ANKRD26: variants seen among roughly 807,000 people sequenced by gnomAD.
ANKRD26 encodes the protein ankyrin repeat domain 26, also known as ankyrin repeat domain-containing protein 26.
A neutral mutation model predicts 208.7 loss-of-function variants in ANKRD26; 141 were observed. The observed-to-expected ratio is 0.68, with a 90% CI of 0.59 to 0.78. ANKRD26 has a LOEUF of 0.78. Ranked by LOEUF, ANKRD26 falls within the 30% of genes least tolerant of loss-of-function variation. The probability of loss-of-function intolerance (pLI) is 0.00; values close to 1 mark genes in which losing one functional copy is unlikely to be tolerated. For missense variants in ANKRD26, 1,889 were observed against 1,938.7 expected, an observed-to-expected ratio of 0.97 and a Z score of 0.48; for synonymous variants, 636 against 660.4, an observed-to-expected ratio of 0.96 and a Z score of 0.57.
At chr10:27,052,046 A>G in intron 16 of ANKRD26, 1 of 985,352 alleles carries the variant, frequency 1.0e-6, no homozygotes, top group Non-Finnish European at 1.2e-6. Flanking sequence ...CTGGTTCTTG[A>G]GACATCTTTT....
the ANKRD26 span, among the ~76,000 whole-genome samples, chr10:26,968,066 C>T: frequency 0.33 from 50,209 of 151,966 alleles, 10,571 homozygotes; most frequent in Non-Finnish European, 0.47. Context: ...TGCTTTCCAA[C>T]ACTTCAGTGT....
At chr10:27,053,267 A>T (rs2054723963) in intron 16 of ANKRD26, 53 bp downstream of exon 16, 3 of 1,307,202 alleles carry the variant, frequency 2.3e-6, no homozygotes, top group Middle Eastern at 2.4e-4. Context: ...ATGTTACATC[A>T]TTAAAGCAAA....
intron 12 of ANKRD26, chr10:27,062,122 G>C: frequency 1.0e-6 from 1 of 985,144 alleles, no homozygotes. Flanking sequence ...TTTTGCAAAA[G>C]TAATCTCCAG....
At chr10:26,999,903 A>C (rs2052683824), downstream of ANKRD26, among the ~76,000 whole-genome samples, 1 of 152,062 alleles carries the variant, frequency 6.6e-6, no homozygotes, top group South Asian at 2.1e-4. Context: ...CAAATTATAC[A>C]ATTTCTGAGA....
In ANKRD26 at chr10:27,040,006, C is replaced by A; in HGVS notation, c.2334G>T (p.Glu778Asp). Residue 778 changes from glutamate (E) to aspartate (D), a missense_variant, in exon 21 of 34, where the codon GAG (glutamate) becomes GAT (aspartate). Physicochemically the swap from Glu to Asp is conservative, Grantham distance 45 (BLOSUM62 2). Coordinates refer to ENST00000376087, the MANE Select transcript of ANKRD26 (RefSeq NM_014915.3). The stretch of plus-strand genomic sequence containing the variant: ...CTCGTTCCCATTCAACTTTTTGATG[C>A]TCTAACTGTGATTTTATTTCTTTTG... ...SETKEIKSQL[E>D]HQKVEWEREL... 3 of 1,613,732 alleles carry A rather than the reference C, an allele frequency of 1.9e-6. No homozygotes were observed. Among genetic ancestry groups the A allele is most frequent in the Non-Finnish European group, 2.5e-6 (3 of 1,179,900 alleles).
At chr10:26,978,035 C>A (rs146116567) in intron 5 of ANKRD26, among the ~76,000 whole-genome samples, 4 of 152,180 alleles carry the variant, frequency 2.6e-5, no homozygotes, top group African/African-American at 9.7e-5. Context: ...TCTATGCATG[C>A]CTGAATAAGA....
chr10:27,030,548 G>A, intron 25 of ANKRD26: 1 of 985,420 alleles, frequency 1.0e-6, no homozygotes, highest in Non-Finnish European at 1.2e-6. Flanking sequence ...TAGGAGAAAA[G>A]CTGGAGCTCT....
intron 15 of ANKRD26, 28 bp from the exon 16 acceptor site, chr10:27,053,418 T>C (rs775270139): frequency 2.0e-6 from 3 of 1,495,066 alleles, no homozygotes; most frequent in South Asian, 1.1e-5. Context: ...TTTAGTTTAA[T>C]GAACTACTTA....
Position 27,040,048 on chromosome 10 carries a change from T to C in ANKRD26, c.2292A>G (p.Gln764=). The C allele has an allele frequency of 6.2e-7, 1 of 1,613,698 alleles. No homozygotes were observed. The part of the protein sequence containing the change: ...KKMEDKVNVL[Q]RELSETKEIK... ...TTTCTTTTGTTTCAGATAGCTCCCT[T>C]TGTAGTACATTAACCTTGTCTTCCA... is the stretch of plus-strand genomic sequence containing the variant. Residue 764 remains glutamine (Q), a synonymous_variant, in exon 21 of 34, where the codon CAA becomes CAG. Transcript: ENST00000376087.
In ANKRD26 at chr10:27,029,025, G is replaced by A. The variant is rs1250201869; in HGVS notation, c.3879-80C>T. On this transcript the variant is annotated intron_variant, in intron 26 of 33. Coordinates refer to ENST00000376087, the MANE Select transcript of ANKRD26 (RefSeq NM_014915.3). ...TGTAATTTCTTAGCAAACACCTGAAGGCATAATTACATAAATTCTTAAAGA... is the reference window on the plus strand; with the variant it reads ...TGTAATTTCTTAGCAAACACCTGAAAGCATAATTACATAAATTCTTAAAGA... The A allele has an allele frequency of 1.9e-5, 22 of 1,174,842 alleles. No individual in the cohort carries two copies. In the Admixed American group the frequency reaches 2.1e-4, roughly 11 times the overall value. The allele number at this position is 1,174,842 out of a possible 1,614,324, so 72.8% of individuals were successfully genotyped here. A position where few individuals can be genotyped will look rare whatever the true frequency, so the allele number is the denominator to read the frequency against.
chr10:27,051,490 T>C, intron 16 of ANKRD26: 1 of 1,061,882 alleles, frequency 9.4e-7, no homozygotes, highest in Non-Finnish European at 1.1e-6. Flanking sequence ...TCTTCTTTCA[T>C]TACACCTGTA....
downstream of ANKRD26, among the ~76,000 whole-genome samples, chr10:26,972,934 A>T (rs2052172386): frequency 6.6e-6 from 1 of 152,066 alleles, no homozygotes; most frequent in African/African-American, 2.4e-5. Flanking sequence ...GGTAGGTAGT[A>T]GAGTTGGAAT....
exon 6 of ANKRD26, among the ~76,000 whole-genome samples, chr10:26,974,281 T>C (rs894926590): frequency 9.2e-5 from 14 of 152,230 alleles, no homozygotes; most frequent in Non-Finnish European, 2.1e-4. Flanking sequence ...TAGATTTACC[T>C]ACATAATTAC....
Position 27,014,775 on chromosome 10 carries a change from C to A in ANKRD26, c.4507-64G>T, listed in dbSNP as rs536121096. On this transcript the variant is annotated intron_variant, in intron 30 of 33. Coordinates refer to ENST00000376087, the MANE Select transcript of ANKRD26 (RefSeq NM_014915.3). ...ACCTGAGTAAGACCATGGTCACCTA[C>A]TCGGTGTCTAAGGGCTGTTTTGTTT... The A allele has an allele frequency of 4.3e-5, 58 of 1,360,712 alleles. No individual in the cohort carries two copies. In the Admixed American group the frequency reaches 7.7e-4, roughly 18 times the overall value. The allele number at this position is 1,360,712 out of a possible 1,614,324, so 84.3% of individuals were successfully genotyped here.
chr10:27,093,777 C>T lies in ANKRD26; in HGVS notation c.265G>A (p.Ala89Thr). Residue 89 changes from alanine to threonine, a missense_variant, in exon 2 of 34, where the codon GCC becomes ACC. Physicochemically the swap from Ala to Thr is moderately conservative, Grantham distance 58. Around this residue, in one of 3 missense-constraint regions of ANKRD26, gnomAD observed 1,272 missense variants for 1,273.8 expected, o/e 1.00. Transcript: ENST00000376087. ...GTTACTACTTCTGGATGACCATTGG[C>T]ACAGGCCAAATGTAGAGCCGTCCTA... ...MNRTALHLACANGHPEVVTLL... is the reference protein window; with the variant it reads ...MNRTALHLACTNGHPEVVTLL... The T allele has an allele frequency of 6.2e-7, 1 of 1,614,210 alleles. No individual in the cohort carries two copies. Among genetic ancestry groups the T allele is most frequent in the Non-Finnish European group, 8.5e-7 (1 of 1,180,028 alleles).
chr10:27,088,112 G>A (rs905695296), intron 4 of ANKRD26, among the ~76,000 whole-genome samples: 2 of 152,130 alleles, frequency 1.3e-5, no homozygotes, highest in African/African-American at 4.8e-5. Context: ...TTCCATGAAG[G>A]AGATGTGAAT....
rs1475044103 is a variant in ANKRD26 at position 27,082,070 on chromosome 10, AAAAAGG to A, written c.740+727_740+732del. Among the ~76,000 whole-genome samples, 19 of 31,030 alleles carry A rather than the reference AAAAAGG, an allele frequency of 6.1e-4. 3 individuals carry two copies. The highest frequency in any genetic ancestry group is 1.1e-3 in the South Asian group (1 of 908). The allele number at this position is 31,030 out of a possible 152,430, so 20.4% of individuals were successfully genotyped here. ...TATTTAAAAAAAAAAAAAAAAAAAA[AAAAAGG>A]GAGAGAGAGAAACAAAATCATATCC... On this transcript the variant is annotated intron_variant, in intron 6 of 33. Coordinates refer to ENST00000376087, the MANE Select transcript of ANKRD26 (RefSeq NM_014915.3).
chr10:27,034,070 A>C (rs535482820), intron 24 of ANKRD26, among the ~76,000 whole-genome samples: 79 of 152,362 alleles, frequency 5.2e-4, no homozygotes, highest in African/African-American at 1.8e-3. Flanking sequence ...TGAAATGAAA[A>C]TTATGAGCAA....
intron 25 of ANKRD26, among the ~76,000 whole-genome samples, chr10:27,032,479 T>C (rs1236224508): frequency 1.3e-5 from 2 of 151,754 alleles, no homozygotes; most frequent in Non-Finnish European, 2.9e-5. Flanking sequence ...TAACTGTAAA[T>C]ACAAAAATTA....
Sources: gnomAD v4.1 joint callset for allele counts (sites outside exome capture counted in the v4.1 genomes callset) on GRCh38, gnomAD v4.1.1 for gene constraint, gnomAD v4.1.1 regional missense constraint, MANE v1.5 for transcripts, NCBI Gene and HGNC (gene_info 2026-07-23, HGNC 2026-07-21) for gene names.